NEURL1: variants seen among roughly 807,000 people sequenced by gnomAD.
NEURL1 encodes the protein E3 ubiquitin-protein ligase NEURL1.
Under a neutral mutation model 41.2 loss-of-function variants are expected in NEURL1, and 26 were observed. The observed-to-expected ratio is 0.63, with a 90% CI of 0.46 to 0.87. The LOEUF (loss-of-function observed/expected upper bound fraction) is 0.87. Among genes scored for constraint, NEURL1 ranks in the 40% least tolerant of loss-of-function variants. The probability of loss-of-function intolerance (pLI) is 0.00; values close to 1 mark genes in which losing one functional copy is unlikely to be tolerated. For missense variants in NEURL1, 761 were observed against 871.1 expected, an observed-to-expected ratio of 0.87 and a Z score of 1.59; for synonymous variants, 400 against 402.3, an observed-to-expected ratio of 0.99 and a Z score of 0.07.
At chr10:103,588,674 C>A in intron 4 of NEURL1, 1 of 415,434 alleles carries the variant, frequency 2.4e-6, no homozygotes, top group Non-Finnish European at 4.9e-6. Flanking sequence ...AGGCCGGGCG[C>A]AGCGGCTCAC....
At chr10:103,576,788 C>T (rs942660716) in intron 3 of NEURL1, among the ~76,000 whole-genome samples, 4 of 152,116 alleles carry the variant, frequency 2.6e-5, no homozygotes, top group Non-Finnish European at 5.9e-5. Context: ...GTTCCCAGGT[C>T]TTGGTAAAAG....
chr10:103,500,746 T>C (rs948154723), intron 1 of NEURL1, among the ~76,000 whole-genome samples: 4 of 152,202 alleles, frequency 2.6e-5, no homozygotes, highest in Non-Finnish European at 2.9e-5. Flanking sequence ...AGAGTGAGGT[T>C]TTTCTACTGC....
chr10:103,515,352 A>C (rs1192776919), intron 1 of NEURL1: 1 of 151,884 alleles, frequency 6.6e-6, no homozygotes, highest in Non-Finnish European at 1.5e-5. Flanking sequence ...TATTCTTTTC[A>C]CAGGAAACGC....
intron 3 of NEURL1, among the ~76,000 whole-genome samples, chr10:103,583,873 A>G (rs1177552570): frequency 6.6e-6 from 1 of 151,796 alleles, no homozygotes; most frequent in East Asian, 1.9e-4. Context: ...TTTTCTACAA[A>G]ATACCGTTTT....
chr10:103,552,467 T>G (rs1349046221), intron 1 of NEURL1, among the ~76,000 whole-genome samples: 4 of 152,172 alleles, frequency 2.6e-5, no homozygotes, highest in Non-Finnish European at 5.9e-5. Flanking sequence ...CTCTCTCCCC[T>G]AAGCCACCTC....
chr10:103,590,030 C>T (rs1214564845), intron 5 of NEURL1, 104 bp from the exon 6 acceptor site: 2 of 1,165,250 alleles, frequency 1.7e-6, no homozygotes, highest in African/African-American at 3.0e-5. Flanking sequence ...CAGGCAGATC[C>T]TGATAAATGG....
At chr10:103,562,459 G>T (rs2035318370) in intron 1 of NEURL1, among the ~76,000 whole-genome samples, 1 of 152,188 alleles carries the variant, frequency 6.6e-6, no homozygotes, top group Admixed American at 6.5e-5. Context: ...GGAAAGACAG[G>T]CACAAATAAC....
intron 1 of NEURL1, among the ~76,000 whole-genome samples, chr10:103,509,497 C>T (rs780093009): frequency 6.6e-6 from 1 of 152,132 alleles, no homozygotes; most frequent in African/African-American, 2.4e-5. Context: ...ATTTATGCAC[C>T]TAACCATAGA....
chr10:103,553,045 A>G (rs1017607960), intron 1 of NEURL1, among the ~76,000 whole-genome samples: 3 of 152,202 alleles, frequency 2.0e-5, no homozygotes, highest in African/African-American at 2.4e-5. Flanking sequence ...TAGGAAGGCC[A>G]GGCTGGCATG....
rs2036018790 is a variant in NEURL1, at chr10:103,590,506, G to A, written c.*134G>A. ...CCTCCTCTATTAAACATGGGAAACT[G>A]AAGCCCTTGAAGGTTTGGGGAGAGG... On this transcript the variant is annotated 3_prime_UTR_variant, in exon 6 of 6. Transcript: ENST00000369780. 1.5e-6 allele frequency: 1 copy of A among 686,746 alleles called. No homozygotes were observed. 42.5% of individuals were successfully genotyped at this position (686,746 alleles called of 1,614,324 possible).
In NEURL1 at chr10:103,556,745, G is replaced by GCA. The variant is rs929830425; in HGVS notation, c.86-14125_86-14124dup. On this transcript the variant is annotated intron_variant, in intron 1 of 5. Transcript: ENST00000369780. This position sits in a 1 kb window ranked among gnomAD's most constrained non-coding sequence, Gnocchi z 4.4. The stretch of plus-strand genomic sequence containing the variant: ...CACATAATCCGGAGCCAGGCCAGGG[G>GCA]CACTGCCAGTGGCCTGGGCCTTGGC... Among the ~76,000 whole-genome samples, 3 of 152,228 alleles carry GCA rather than the reference G, an allele frequency of 2.0e-5. No homozygotes were observed. The highest frequency in any genetic ancestry group is 4.4e-5 in the Non-Finnish European group (3 of 68,044).
intron 1 of NEURL1, among the ~76,000 whole-genome samples, chr10:103,549,930 C>G (rs2035000047): frequency 6.6e-6 from 1 of 152,224 alleles, no homozygotes; most frequent in Non-Finnish European, 1.5e-5. Context: ...TTTATTGGGC[C>G]TTCTTTGCTA....
At chr10:103,580,834 C>T (rs1175666346) in intron 3 of NEURL1, among the ~76,000 whole-genome samples, 3 of 152,190 alleles carry the variant, frequency 2.0e-5, no homozygotes, top group Non-Finnish European at 1.5e-5. Flanking sequence ...CTAAAGGGAT[C>T]CTCTTCCTAC....
At chr10:103,550,741 G>T (rs55911544) in intron 1 of NEURL1, 26,366 of 152,222 alleles carry the variant, frequency 0.17, 2,513 homozygotes, top group South Asian at 0.31. Context: ...GCCCCTGCCC[G>T]TTGCCCTTTC....
chr10:103,498,748 T>A (rs552476374), intron 1 of NEURL1, among the ~76,000 whole-genome samples: 3 of 152,368 alleles, frequency 2.0e-5, no homozygotes, highest in African/African-American at 7.2e-5. Context: ...TTTGTCTGTA[T>A]GGACTCGCCT....
chr10:103,513,089 CCAT>C (rs1252909208), intron 1 of NEURL1, among the ~76,000 whole-genome samples: 1 of 152,142 alleles, frequency 6.6e-6, no homozygotes, highest in East Asian at 1.9e-4. Flanking sequence ...ACCATGGCCA[CCAT>C]CACCCGGTGC....
chr10:103,587,434 T>C (rs1343825469), intron 4 of NEURL1, among the ~76,000 whole-genome samples: 1 of 152,206 alleles, frequency 6.6e-6, no homozygotes, highest in Non-Finnish European at 1.5e-5. Flanking sequence ...CAGAATTCAA[T>C]ATACATTCAA....
intron 1 of NEURL1, among the ~76,000 whole-genome samples, chr10:103,528,534 CAAA>C (rs199861549): frequency 1.5e-5 from 1 of 67,784 alleles, no homozygotes; most frequent in Non-Finnish European, 3.4e-5. Context: ...GACTCCGTCT[CAAA>C]AAAAAAAAAA....
chr10:103,507,528 T>C lies in NEURL1; in HGVS notation c.85+13056T>C, dbSNP rs185390478. 2.6e-5 allele frequency among the ~76,000 whole-genome samples: 4 copies of C among 152,122 alleles called. No individual in the cohort carries two copies. In the East Asian group the frequency reaches 7.7e-4, roughly 29 times the overall value. On this transcript the variant is annotated intron_variant, in intron 1 of 5. Coordinates refer to ENST00000369780, the MANE Select transcript of NEURL1 (RefSeq NM_004210.5). ...GAGGTGGGTCCAGGAGAGGGAGCTG[T>C]TGGGGAGCTGCTTGTGCCATCTCTG...
Sources: allele counts gnomAD v4.1 joint callset (sites outside exome capture counted in the v4.1 genomes callset), GRCh38; gene constraint gnomAD v4.1.1; non-coding constraint Gnocchi (gnomAD v3.1); transcripts MANE v1.5; gene names NCBI Gene and HGNC (gene_info 2026-07-23, HGNC 2026-07-21).